The following TIGAR variants were observed in gnomAD, a reference collection of about 807,000 sequenced individuals.
The protein encoded by TIGAR is fructose-2,6-bisphosphatase TIGAR.
In TIGAR, 7 loss-of-function variants were observed where a neutral mutation model predicts 17.9. That is an observed-to-expected ratio of 0.39 (90% CI 0.22 to 0.73). TIGAR has a LOEUF of 0.73. TIGAR is among the 30% of genes least tolerant of loss of function. TIGAR has a pLI of 0.42. For missense variants in TIGAR, 258 were observed against 327.4 expected, an observed-to-expected ratio of 0.79 and a Z score of 1.64; for synonymous variants, 94 against 108.6, an observed-to-expected ratio of 0.87 and a Z score of 0.84.
rs1565452261 is a variant in TIGAR, at chr12:4,354,980, C to T, written c.*2289C>T. Among the ~76,000 whole-genome samples, 1 of 151,816 alleles carries T rather than the reference C, an allele frequency of 6.6e-6. No individual in the cohort carries two copies. The highest frequency in any genetic ancestry group is 1.5e-5 in the Non-Finnish European group (1 of 67,974). On this transcript the variant is annotated 3_prime_UTR_variant, in exon 6 of 6. Coordinates refer to ENST00000179259, the MANE Select transcript of TIGAR (RefSeq NM_020375.3). The stretch of plus-strand genomic sequence containing the variant: ...TTCTGACCTCAGGTGATCCACCTGC[C>T]TTGGCCTTCCAAAGTGCTGGGATTG...
Position 4,356,282 on chromosome 12 carries a change from T to C in TIGAR, c.*3591T>C, listed in dbSNP as rs1037571906. 6.6e-6 allele frequency among the ~76,000 whole-genome samples: 1 copy of C among 152,238 alleles called. No individual in the cohort carries two copies. The highest frequency in any genetic ancestry group is 2.4e-5 in the African/African-American group (1 of 41,466). ...TGGACATTGAATTTCTAGGTTAGCT[T>C]AGGATTTCTCATCCTCCCATCTGTG... On this transcript the variant is annotated 3_prime_UTR_variant, in exon 6 of 6. Transcript: ENST00000179259.
intron 3 of TIGAR, among the ~76,000 whole-genome samples, chr12:4,340,570 G>A (rs1864708727): frequency 6.6e-6 from 1 of 152,154 alleles, no homozygotes; most frequent in South Asian, 2.1e-4. Context: ...ATGTGGAACT[G>A]CAAAAGACCC....
intron 1 of TIGAR, among the ~76,000 whole-genome samples, chr12:4,329,464 G>T (rs373012059): frequency 6.8e-6 from 1 of 147,998 alleles, no homozygotes; most frequent in African/African-American, 2.5e-5. Flanking sequence ...TCAGTCTCCC[G>T]AGTAGCTGGG....
chr12:4,327,955 C>T (rs1296282210), intron 1 of TIGAR, among the ~76,000 whole-genome samples: 5 of 151,084 alleles, frequency 3.3e-5, no homozygotes, highest in East Asian at 4.0e-4. Context: ...CATGAGCCAC[C>T]GCGCCCAGCC....
In TIGAR at chr12:4,334,940, ATTT is replaced by A. The variant is rs531546844; in HGVS notation, c.71-2091_71-2089del. ...GTTTCTCATAATATATCTAGGAGGAATTTTTTTTTTAATGTATCCTGCTTGATG... is the reference window on the plus strand; with the variant it reads ...GTTTCTCATAATATATCTAGGAGGAATTTTTTTAATGTATCCTGCTTGATG... On this transcript the variant is annotated intron_variant, in intron 2 of 5. Transcript: ENST00000179259. Among the ~76,000 whole-genome samples the A allele has an allele frequency of 3.3e-5, 5 of 149,928 alleles. No homozygotes were observed. The East Asian group carries it at 7.8e-4, about 23-fold the overall frequency.
Position 4,324,720 on chromosome 12 carries a change from G to A in TIGAR, c.32+3417G>A, listed in dbSNP as rs1260477661. 7 of 692,768 alleles carry A rather than the reference G, an allele frequency of 1.0e-5. No homozygotes were observed. The African/African-American group carries it at 1.7e-4, about 17-fold the overall frequency. The allele number at this position is 692,768 out of a possible 1,614,324, so 42.9% of individuals were successfully genotyped here. ...CACTGTACAGCTGCGTCAGCTGCTC[G>A]CAGGACACGTCCCGTCCCGCAGCTG... On this transcript the variant is annotated intron_variant, in intron 1 of 5. Coordinates refer to ENST00000179259, the MANE Select transcript of TIGAR (RefSeq NM_020375.3).
At chr12:4,337,744 A>G (rs1311633495) in intron 3 of TIGAR, among the ~76,000 whole-genome samples, 1 of 152,248 alleles carries the variant, frequency 6.6e-6, no homozygotes, top group Non-Finnish European at 1.5e-5. Context: ...GACATCAGGT[A>G]TTAGGATTAC....
chr12:4,345,077 C>G (rs4328272), intron 3 of TIGAR, among the ~76,000 whole-genome samples: 3 of 152,164 alleles, frequency 2.0e-5, no homozygotes, highest in African/African-American at 7.2e-5. Flanking sequence ...CTTCAAGGAG[C>G]ACTATAAACC....
intron 3 of TIGAR, among the ~76,000 whole-genome samples, chr12:4,346,631 G>C (rs1864783723): frequency 6.6e-6 from 1 of 152,112 alleles, no homozygotes; most frequent in African/African-American, 2.4e-5. Flanking sequence ...GGGAGGGATA[G>C]CATTAGTAGA....
intron 3 of TIGAR, among the ~76,000 whole-genome samples, chr12:4,340,626 ACAGTACCTGACTT>A (rs1864709171): frequency 6.6e-6 from 1 of 152,248 alleles, no homozygotes; most frequent in Non-Finnish European, 1.5e-5. Context: ...TGGAAGAATC[ACAGTACCTGACTT>A]CAAATTATAC....
At chr12:4,350,738 C>G (rs555120036) in intron 4 of TIGAR, among the ~76,000 whole-genome samples, 1 of 149,050 alleles carries the variant, frequency 6.7e-6, no homozygotes, top group Non-Finnish European at 1.5e-5. Context: ...GATCGCGCCA[C>G]GGCACCCCAG....
Position 4,321,657 on chromosome 12 carries a change from A to G in TIGAR, c.32+354A>G, listed in dbSNP as rs539132318. Among the ~76,000 whole-genome samples, 50 of 152,270 alleles carry G rather than the reference A, an allele frequency of 3.3e-4. No homozygotes were observed. Among genetic ancestry groups the G allele is most frequent in the Non-Finnish European group, 2.2e-4 (15 of 68,016 alleles). On this transcript the variant is annotated intron_variant, in intron 1 of 5. Coordinates refer to ENST00000179259, the MANE Select transcript of TIGAR (RefSeq NM_020375.3). This position sits in a 1 kb window ranked among gnomAD's most constrained non-coding sequence, Gnocchi z 5.2. The stretch of plus-strand genomic sequence containing the variant: ...TGTCTGGGTACCGATTTTGCTCCCC[A>G]GCAGATTGCAAAGAGTTTGCAGAAT...
chr12:4,343,132 G>C (rs1214224679), intron 3 of TIGAR, among the ~76,000 whole-genome samples: 4 of 152,032 alleles, frequency 2.6e-5, no homozygotes, highest in Admixed American at 2.6e-4. Context: ...GATCAGAAGA[G>C]ACAAAGGCCA....
chr12:4,324,445 G>A, intron 1 of TIGAR: 1 of 1,537,656 alleles, frequency 6.5e-7, no homozygotes, highest in Non-Finnish European at 9.0e-7. Flanking sequence ...CAGCTTATAG[G>A]TGATGGAGAA....
At chr12:4,331,067 T>C (rs1864598840) in intron 1 of TIGAR, among the ~76,000 whole-genome samples, 1 of 152,264 alleles carries the variant, frequency 6.6e-6, no homozygotes, top group Admixed American at 6.5e-5. Flanking sequence ...ACGTTTTAGT[T>C]TGGAGTAGTT....
Position 4,357,295 on chromosome 12 carries a change from A to C in TIGAR, c.*4604A>C, listed in dbSNP as rs61909233. On this transcript the variant is annotated 3_prime_UTR_variant, in exon 6 of 6. Coordinates refer to ENST00000179259, the MANE Select transcript of TIGAR (RefSeq NM_020375.3). ...TGTCTTCACTATATTAAGGTCAGTC[A>C]CAATTTAATTGAAATAGATCATCCT... 2.5e-4 allele frequency among the ~76,000 whole-genome samples: 38 copies of C among 152,240 alleles called. No individual in the cohort carries two copies. Among genetic ancestry groups the C allele is most frequent in the Non-Finnish European group, 5.1e-4 (35 of 68,050 alleles).
intron 3 of TIGAR, among the ~76,000 whole-genome samples, chr12:4,346,213 C>T (rs1371975986): frequency 2.0e-5 from 3 of 152,154 alleles, no homozygotes; most frequent in African/African-American, 7.2e-5. Context: ...CCTCAGGGAT[C>T]TAGAACTAGA....
intron 1 of TIGAR, 73 bp from the exon 2 acceptor site, chr12:4,331,207 T>G: frequency 7.6e-7 from 1 of 1,315,866 alleles, no homozygotes; most frequent in South Asian, 1.2e-5. Flanking sequence ...CCACACTTGA[T>G]TGCTCATTTT....
At chr12:4,322,121 C>T (rs996854802) in intron 1 of TIGAR, among the ~76,000 whole-genome samples, 2 of 152,132 alleles carry the variant, frequency 1.3e-5, no homozygotes, top group Non-Finnish European at 2.9e-5. Context: ...TTCAGCCTCC[C>T]GAGTAGCTGG....
Sources: allele counts gnomAD v4.1 joint callset (sites outside exome capture counted in the v4.1 genomes callset), GRCh38; gene constraint gnomAD v4.1.1; non-coding constraint Gnocchi (gnomAD v3.1); transcripts MANE v1.5; gene names NCBI Gene and HGNC (gene_info 2026-07-23, HGNC 2026-07-21).